The following TMEM38A variants were observed in gnomAD, a reference collection of about 807,000 sequenced individuals.
TMEM38A encodes trimeric intracellular cation channel type A.
TMEM38A carries 17 observed loss-of-function variants against 28.6 expected under a neutral mutation model. That is an observed-to-expected ratio of 0.60 (90% CI 0.41 to 0.89). The LOEUF is 0.89. Ranked by LOEUF, TMEM38A falls within the 40% of genes least tolerant of loss-of-function variation. The pLI is 0.00. For synonymous variants in TMEM38A, 169 were observed against 166.1 expected (o/e 1.02, Z -0.14); for missense variants, 328 against 393.1 (o/e 0.83, Z 1.40).
chr19:16,668,502 CA>C (rs1215843373), intron 1 of TMEM38A, among the ~76,000 whole-genome samples: 1,672 of 73,692 alleles, frequency 0.023, 20 homozygotes, highest in African/African-American at 0.048. Context: ...GACTCTGTCT[CA>C]AAAAAAAAAA....
rs1235042557 is a variant in TMEM38A at position 16,661,706 on chromosome 19, G to A, written c.124+365G>A. ...GGGGGTCGGTGCATCTGTTCTGGCC[G>A]CGCGCAGGTGTGACCTCCCTCCTTG... On this transcript the variant is annotated intron_variant, in intron 1 of 5. Transcript: ENST00000187762. The surrounding 1 kb of genome is among the most constrained non-coding windows in gnomAD (Gnocchi z 6.5). Among the ~76,000 whole-genome samples, 1 of 152,042 alleles carries A rather than the reference G, an allele frequency of 6.6e-6. No individual in the cohort carries two copies. The highest frequency in any genetic ancestry group is 1.5e-5 in the Non-Finnish European group (1 of 68,020).
rs2122582974 is a variant in TMEM38A, at chr19:16,672,171, C to T, written c.125-7813C>T. Among the ~76,000 whole-genome samples the T allele has an allele frequency of 2.0e-5, 3 of 152,108 alleles. No homozygotes were observed. In the South Asian group the frequency reaches 6.2e-4, roughly 32 times the overall value. ...GAGGAGGGAAAAGCTCATTCCAGTC[C>T]TCATCAGGAGTTAGACAAAGAAGCA... On this transcript the variant is annotated intron_variant, in intron 1 of 5. Transcript: ENST00000187762.
intron 1 of TMEM38A, among the ~76,000 whole-genome samples, chr19:16,663,021 C>T (rs553834792): frequency 5.9e-5 from 9 of 152,036 alleles, no homozygotes; most frequent in South Asian, 2.1e-4. Context: ...TGGCTCACGC[C>T]TGTAATCCCA....
intron 4 of TMEM38A, among the ~76,000 whole-genome samples, chr19:16,683,886 C>G (rs1202624122): frequency 6.6e-6 from 1 of 151,110 alleles, no homozygotes; most frequent in Non-Finnish European, 1.5e-5. Context: ...AGGAGAACCA[C>G]TTGAATCTGG....
chr19:16,676,097 A>T (rs1393401612), intron 1 of TMEM38A, among the ~76,000 whole-genome samples: 2 of 133,480 alleles, frequency 1.5e-5, no homozygotes, highest in Non-Finnish European at 3.0e-5. Flanking sequence ...GCGGTGGCTC[A>T]CACCTGTAAT....
At chr19:16,682,882 A>G (rs1286932929) in intron 4 of TMEM38A, among the ~76,000 whole-genome samples, 1 of 152,174 alleles carries the variant, frequency 6.6e-6, no homozygotes, top group Non-Finnish European at 1.5e-5. Context: ...TGGAGTGTGC[A>G]TTGGGAGCAT....
chr19:16,664,294 G>A (rs182245262), intron 1 of TMEM38A, among the ~76,000 whole-genome samples: 32 of 152,174 alleles, frequency 2.1e-4, no homozygotes, highest in Admixed American at 6.6e-4. Context: ...GCGCACGCCT[G>A]TAATCCCAGG....
chr19:16,671,201 CT>C (rs34550977), intron 1 of TMEM38A, among the ~76,000 whole-genome samples: 13,262 of 84,734 alleles, frequency 0.16, 700 homozygotes, highest in African/African-American at 0.32. Flanking sequence ...AGGACCTGGG[CT>C]TTTTTTTTTT....
At chr19:16,668,183 TG>T (rs1322525015) in intron 1 of TMEM38A, among the ~76,000 whole-genome samples, 9 of 151,678 alleles carry the variant, frequency 5.9e-5, no homozygotes, top group Middle Eastern at 3.2e-3. Context: ...CACTCCAACC[TG>T]GGCAACAGAG....
intron 1 of TMEM38A, among the ~76,000 whole-genome samples, chr19:16,665,975 A>T (rs1249738902): frequency 6.7e-6 from 1 of 149,038 alleles, no homozygotes; most frequent in African/African-American, 2.5e-5. Context: ...CACCCAGCTA[A>T]TTTTTTTGTT....
At chr19:16,669,093 G>A (rs1350226796) in intron 1 of TMEM38A, among the ~76,000 whole-genome samples, 1 of 152,014 alleles carries the variant, frequency 6.6e-6, no homozygotes. Flanking sequence ...GCCTCCCAAA[G>A]TGTTGGGATT....
At chr19:16,669,702 C>G (rs1342234832) in intron 1 of TMEM38A, among the ~76,000 whole-genome samples, 3 of 152,112 alleles carry the variant, frequency 2.0e-5, no homozygotes, top group African/African-American at 7.2e-5. Context: ...CTCAAAAGCT[C>G]AGGAGGAGAA....
At chr19:16,679,946 A>T (rs914149234) in intron 1 of TMEM38A, 38 bp from the exon 2 acceptor site, 1 of 1,560,762 alleles carries the variant, frequency 6.4e-7, no homozygotes, top group African/African-American at 1.3e-5. Context: ...TGCCCTTGGC[A>T]TGCTGGTGAT....
intron 4 of TMEM38A, among the ~76,000 whole-genome samples, chr19:16,683,956 G>A (rs1026773977): frequency 2.9e-5 from 4 of 140,172 alleles, no homozygotes; most frequent in African/African-American, 1.2e-4. Flanking sequence ...GGCAGCAAGA[G>A]CGAAATTCCA....
Position 16,688,706 on chromosome 19 carries a change from A to G in TMEM38A, c.*335A>G. The G allele has an allele frequency of 5.5e-6, 1 of 182,626 alleles. No homozygotes were observed. Among genetic ancestry groups the G allele is most frequent in the Admixed American group, 6.2e-5 (1 of 16,062 alleles). 11.3% of individuals were successfully genotyped at this position (182,626 alleles called of 1,614,324 possible). A position where few individuals can be genotyped will look rare whatever the true frequency, so the allele number is the denominator to read the frequency against. On this transcript the variant is annotated 3_prime_UTR_variant, in exon 6 of 6. Transcript: ENST00000187762. ...TGTATTTTTCCTTCTTTAAAATTGCATCTTGACCAGGCACAGTGGCTCATG... is the reference window on the plus strand; with the variant it reads ...TGTATTTTTCCTTCTTTAAAATTGCGTCTTGACCAGGCACAGTGGCTCATG...
rs937406801 is a variant in TMEM38A at position 16,661,920 on chromosome 19, G to A, written c.124+579G>A. On this transcript the variant is annotated intron_variant, in intron 1 of 5. Coordinates refer to ENST00000187762, the MANE Select transcript of TMEM38A (RefSeq NM_024074.4). The surrounding 1 kb of genome is among the most constrained non-coding windows in gnomAD (Gnocchi z 6.5). ...CCCCACGGGAATTCTTCCAGCCCTG[G>A]CTCCAGATCCTTTCCACTTACGGAG... Among the ~76,000 whole-genome samples, 1 of 152,008 alleles carries A rather than the reference G, an allele frequency of 6.6e-6. No individual in the cohort carries two copies.
At chr19:16,668,844 T>C (rs1599385829) in intron 1 of TMEM38A, among the ~76,000 whole-genome samples, 1 of 140,916 alleles carries the variant, frequency 7.1e-6, no homozygotes, top group East Asian at 2.2e-4. Flanking sequence ...TTTTTTTTTT[T>C]TTGAAATGGA....
intron 1 of TMEM38A, among the ~76,000 whole-genome samples, chr19:16,673,109 C>G (rs953805957): frequency 2.6e-5 from 4 of 151,542 alleles, no homozygotes; most frequent in African/African-American, 9.7e-5. Context: ...TGAGATGGAG[C>G]CTCCCTCTGT....
At chr19:16,684,920 A>AT (rs2086795575) in intron 4 of TMEM38A, among the ~76,000 whole-genome samples, 1 of 151,674 alleles carries the variant, frequency 6.6e-6, no homozygotes, top group Non-Finnish European at 1.5e-5. Flanking sequence ...ACAGTGGCAC[A>AT]TAACTCTAGC....
Sources: gnomAD v4.1 joint callset for allele counts (sites outside exome capture counted in the v4.1 genomes callset) on GRCh38, gnomAD v4.1.1 for gene constraint, Gnocchi (gnomAD v3.1) non-coding constraint, MANE v1.5 for transcripts, NCBI Gene and HGNC (gene_info 2026-07-23, HGNC 2026-07-21) for gene names.